Variants in EXOC4 observed in about 807,000 individuals in gnomAD.
EXOC4 encodes SEC8-like 1.
In EXOC4, 71 loss-of-function variants were observed where a neutral mutation model predicts 107.2. The ratio of observed to expected loss-of-function variants is 0.66; its 90% CI spans 0.55 to 0.81. EXOC4 has a LOEUF of 0.81. Ranked by LOEUF, EXOC4 falls within the 30% of genes least tolerant of loss-of-function variation. EXOC4 has a pLI of 0.00. For missense variants in EXOC4, 1,108 were observed against 1,189.6 expected (o/e 0.93, Z 1.01); for synonymous variants, 456 against 441.2 (o/e 1.03, Z -0.42).
chr7:133,283,696 G>C (rs1048539245), intron 2 of EXOC4, among the ~76,000 whole-genome samples: 2 of 152,124 alleles, frequency 1.3e-5, no homozygotes, highest in South Asian at 4.1e-4. Flanking sequence ...TTTGGCAAAG[G>C]TATATATCAC....
chr7:133,770,454 TCTTATGATAACACTTAACTAG>T (rs757888119), intron 10 of EXOC4, among the ~76,000 whole-genome samples: 1 of 151,972 alleles, frequency 6.6e-6, no homozygotes, highest in Non-Finnish European at 1.5e-5. Context: ...TAATTTGATG[TCTTATGATAACACTTAACTAG>T]CTTATTGGTG....
chr7:133,568,227 T>C (rs1331426868), intron 9 of EXOC4, among the ~76,000 whole-genome samples: 1 of 152,090 alleles, frequency 6.6e-6, no homozygotes, highest in Admixed American at 6.5e-5. Context: ...TCTTTCCCCC[T>C]TACTGATTTC....
intron 7 of EXOC4, among the ~76,000 whole-genome samples, chr7:133,451,990 C>A (rs1413885981): frequency 6.6e-6 from 1 of 152,124 alleles, no homozygotes; most frequent in Non-Finnish European, 1.5e-5. Context: ...CCATCTTAAC[C>A]ATTTTTAATT....
rs370179515 is a variant in EXOC4 at position 133,685,727 on chromosome 7, T to G, written c.1514+55586T>G. 2.4e-4 allele frequency among the ~76,000 whole-genome samples: 36 copies of G among 152,326 alleles called. No individual in the cohort carries two copies. The East Asian group carries it at 4.8e-3, about 20-fold the overall frequency. On this transcript the variant is annotated intron_variant, in intron 10 of 17. Transcript: ENST00000253861. ...AAGTATACCTCTAAAAATGAAAATG[T>G]TAAATATTTAAAAATTTCTATAAAT...
intron 11 of EXOC4, among the ~76,000 whole-genome samples, chr7:133,837,111 T>C (rs902132877): frequency 6.6e-6 from 1 of 152,176 alleles, no homozygotes; most frequent in African/African-American, 2.4e-5. Flanking sequence ...TGAATAAGCA[T>C]GGTACAATGG....
intron 14 of EXOC4, among the ~76,000 whole-genome samples, chr7:133,961,432 G>T (rs1288684122): frequency 6.8e-6 from 1 of 146,486 alleles, no homozygotes; most frequent in Non-Finnish European, 1.5e-5. Context: ...GACTACAGGC[G>T]CACGCCACTG....
chr7:134,006,476 C>A (rs943944697), intron 16 of EXOC4, among the ~76,000 whole-genome samples: 1 of 152,094 alleles, frequency 6.6e-6, no homozygotes, highest in African/African-American at 2.4e-5. Context: ...GTAACACATA[C>A]AAGTTTGTGG....
chr7:133,706,089 C>G (rs1356979088), intron 10 of EXOC4, among the ~76,000 whole-genome samples: 1 of 152,100 alleles, frequency 6.6e-6, no homozygotes, highest in East Asian at 1.9e-4. Context: ...TAGTATCCAC[C>G]TGCCTTTTCT....
At chr7:133,726,557 T>C (rs777706826) in intron 10 of EXOC4, among the ~76,000 whole-genome samples, 40 of 152,252 alleles carry the variant, frequency 2.6e-4, no homozygotes, top group Non-Finnish European at 4.3e-4. Context: ...GCAACACCTC[T>C]TCATAGGCCT....
intron 7 of EXOC4, among the ~76,000 whole-genome samples, chr7:133,462,493 A>G (rs2150826865): frequency 6.6e-6 from 1 of 152,348 alleles, no homozygotes; most frequent in Non-Finnish European, 1.5e-5. Flanking sequence ...TAACAGCTCC[A>G]TGAGAAGATA....
intron 17 of EXOC4, among the ~76,000 whole-genome samples, chr7:134,027,928 G>C (rs1379937585): frequency 6.6e-6 from 1 of 152,192 alleles, no homozygotes; most frequent in Non-Finnish European, 1.5e-5. Flanking sequence ...GATAGGGCTA[G>C]AACCCAGATT....
At chr7:133,607,360 A>T (rs530077880) in intron 9 of EXOC4, among the ~76,000 whole-genome samples, 1 of 152,386 alleles carries the variant, frequency 6.6e-6, no homozygotes, top group South Asian at 2.1e-4. Context: ...TCCGAGGCAG[A>T]TGGAATGTGA....
At chr7:134,056,766 A>G (rs944557614) in intron 17 of EXOC4, among the ~76,000 whole-genome samples, 1 of 152,204 alleles carries the variant, frequency 6.6e-6, no homozygotes, top group Non-Finnish European at 1.5e-5. Flanking sequence ...TAAATTTAGA[A>G]CGTGTTCCAA....
chr7:133,270,016 G>A (rs1168942160), intron 1 of EXOC4, among the ~76,000 whole-genome samples: 6 of 152,134 alleles, frequency 3.9e-5, no homozygotes, highest in African/African-American at 7.2e-5. Flanking sequence ...CCCGCGTGTC[G>A]TGGGAGCAAC....
chr7:133,322,434 A>G lies in EXOC4; in HGVS notation c.763+5044A>G, dbSNP rs140268588. Among the ~76,000 whole-genome samples the G allele has an allele frequency of 1.7e-4, 26 of 152,298 alleles. No homozygotes were observed. In the East Asian group the frequency reaches 2.7e-3, roughly 16 times the overall value. On this transcript the variant is annotated intron_variant, in intron 5 of 17. Transcript: ENST00000253861. ...AGGGTCCAGTTTCAGTTTTCTGCAT[A>G]TGGCTAGTGAGTTTTCCCAACACCA...
chr7:133,637,857 T>C (rs143701837), intron 10 of EXOC4, among the ~76,000 whole-genome samples: 1,579 of 152,306 alleles, frequency 0.01, 12 homozygotes, highest in Non-Finnish European at 0.015. Context: ...GTATGACATA[T>C]GGCTAAACAC....
the EXOC4 span, among the ~76,000 whole-genome samples, chr7:134,080,918 A>G: frequency 6.6e-6 from 1 of 152,098 alleles, no homozygotes; most frequent in Non-Finnish European, 1.5e-5. Flanking sequence ...TGCAGAGGGC[A>G]ACAGAAATGA....
intron 12 of EXOC4, among the ~76,000 whole-genome samples, chr7:133,905,794 C>G (rs767113358): frequency 3.9e-5 from 6 of 152,036 alleles, no homozygotes; most frequent in Non-Finnish European, 8.8e-5. Context: ...TTCACAACTT[C>G]AGAGAGGAGC....
intron 14 of EXOC4, among the ~76,000 whole-genome samples, chr7:133,955,964 C>T (rs1800809969): frequency 6.6e-6 from 1 of 152,162 alleles, no homozygotes; most frequent in African/African-American, 2.4e-5. Context: ...TTCCCAGGCC[C>T]CTGAGAGTCC....
Sources: allele counts gnomAD v4.1 joint callset (sites outside exome capture counted in the v4.1 genomes callset), GRCh38; gene constraint gnomAD v4.1.1; transcripts MANE v1.5; gene names NCBI Gene and HGNC (gene_info 2026-07-23, HGNC 2026-07-21).